P2RX4: variants seen among roughly 807,000 people sequenced by gnomAD.
The protein encoded by P2RX4 is P2X purinoceptor 4.
P2RX4 carries 37 observed loss-of-function variants against 48.0 expected under a neutral mutation model. That is an observed-to-expected ratio of 0.77 (90% CI 0.59 to 1.01). The LOEUF (loss-of-function observed/expected upper bound fraction) is 1.01, where lower values mean the gene tolerates loss of function less well. P2RX4 is among the 50% of genes least tolerant of loss of function. The pLI, the probability that P2RX4 is intolerant of heterozygous loss-of-function variation, is 0.00. For missense variants in P2RX4, 501 were observed against 521.4 expected, an observed-to-expected ratio of 0.96 and a Z score of 0.38; for synonymous variants, 200 against 199.7, an observed-to-expected ratio of 1.00 and a Z score of -0.01.
chr12:121,220,422 G>A (rs1242349551), intron 2 of P2RX4, among the ~76,000 whole-genome samples: 1 of 152,044 alleles, frequency 6.6e-6, no homozygotes. Context: ...GATCACTTGA[G>A]GCCAGGAGTT....
chr12:121,233,349 A>G, intron 11 of P2RX4, 174 bp from the exon 12 acceptor site: 1 of 681,066 alleles, frequency 1.5e-6, no homozygotes, highest in Non-Finnish European at 2.6e-6. Flanking sequence ...ATGCTCTGAG[A>G]ATGCCTGTGG....
chr12:121,225,833 T>C (rs747536085), intron 5 of P2RX4, among the ~76,000 whole-genome samples: 45 of 152,344 alleles, frequency 3.0e-4, no homozygotes, highest in Non-Finnish European at 6.0e-4. Flanking sequence ...TACTTTGTAG[T>C]GTGGCTATTA....
intron 5 of P2RX4, among the ~76,000 whole-genome samples, chr12:121,224,433 G>C (rs1388454355): frequency 6.6e-6 from 1 of 151,758 alleles, no homozygotes; most frequent in Non-Finnish European, 1.5e-5. Context: ...GAGAAACCCC[G>C]TCTCCACTAA....
At chr12:121,212,230 A>G (rs1191213628) in intron 1 of P2RX4, among the ~76,000 whole-genome samples, 1 of 152,128 alleles carries the variant, frequency 6.6e-6, no homozygotes, top group Non-Finnish European at 1.5e-5. Context: ...GTAGATACAG[A>G]CAGTATTCAA....
intron 1 of P2RX4, among the ~76,000 whole-genome samples, chr12:121,211,008 GGTA>G (rs545682097): frequency 9.9e-5 from 15 of 152,220 alleles, no homozygotes; most frequent in African/African-American, 3.4e-4. Flanking sequence ...GTCACTATGT[GGTA>G]GTAGCGAGGT....
chr12:121,216,615 G>T, intron 1 of P2RX4: 1 of 284,050 alleles, frequency 3.5e-6, no homozygotes, highest in Non-Finnish European at 6.9e-6. Flanking sequence ...GAGGTCAGGA[G>T]TTCGAGACCA....
Position 121,232,589 on chromosome 12 carries a change from T to C in P2RX4, c.979-22T>C. 1 of 1,613,426 alleles carries C rather than the reference T, an allele frequency of 6.2e-7. No individual in the cohort carries two copies. The highest frequency in any genetic ancestry group is 1.1e-5 in the South Asian group (1 of 91,076). On this transcript the variant is annotated intron_variant, in intron 9 of 11. Transcript: ENST00000337233. This position sits in a 1 kb window ranked among gnomAD's most constrained non-coding sequence, Gnocchi z 4.3. The stretch of plus-strand genomic sequence containing the variant: ...CCCTGCCCCTGCAGAAACACTTTTT[T>C]TCTTTTTCGGTGTCTTGGCAGGCAG...
At chr12:121,217,389 C>T (rs1179979221) in intron 2 of P2RX4, 108 bp downstream of exon 2, 9 of 1,100,232 alleles carry the variant, frequency 8.2e-6, no homozygotes, top group African/African-American at 1.5e-5. Context: ...TCACCAATGC[C>T]CAGAATGATT....
rs960984912 is a variant in P2RX4, at chr12:121,210,318, G to C, written c.134+20G>C. 2.7e-6 allele frequency: 4 copies of C among 1,500,554 alleles called. No homozygotes were observed. The highest frequency in any genetic ancestry group is 1.3e-5 in the South Asian group (1 of 78,754). The allele number at this position is 1,500,554 out of a possible 1,614,324, so 93.0% of individuals were successfully genotyped here. The stretch of plus-strand genomic sequence containing the variant: ...CATCGGGTGAGCGTGGGGCCGCGCG[G>C]GGGGCGCGGCGGGTGCTGCCCTCGC... On this transcript the variant is annotated intron_variant, in intron 1 of 11. Transcript: ENST00000337233.
At chr12:121,216,947 T>C (rs1565999869) in intron 1 of P2RX4, 187 bp from the exon 2 acceptor site, 2 of 715,274 alleles carry the variant, frequency 2.8e-6, no homozygotes, top group South Asian at 2.9e-5. Flanking sequence ...AACCCTCCTG[T>C]GGTTTAGGTG....
rs1004305511 is a variant in P2RX4 at position 121,222,286 on chromosome 12, G to A, written c.427+120G>A. 1.6e-4 allele frequency: 119 copies of A among 742,302 alleles called. 1 individual carries two copies. In the African/African-American group the frequency reaches 1.6e-3, roughly 10 times the overall value. The allele number at this position is 742,302 out of a possible 1,614,324, so 46.0% of individuals were successfully genotyped here. A position where few individuals can be genotyped will look rare whatever the true frequency, so the allele number is the denominator to read the frequency against. ...CATGACCCTGGGTGAGCCAGGTGCCGAGGCTGGGGTCCTGGAGCCCCTCTA... is the reference window on the plus strand; with the variant it reads ...CATGACCCTGGGTGAGCCAGGTGCCAAGGCTGGGGTCCTGGAGCCCCTCTA... On this transcript the variant is annotated intron_variant, in intron 4 of 11. Coordinates refer to ENST00000337233, the MANE Select transcript of P2RX4 (RefSeq NM_002560.3).
rs960984912 is a variant in P2RX4 at position 121,210,318 on chromosome 12, G to A, written c.134+20G>A. On this transcript the variant is annotated intron_variant, in intron 1 of 11. Transcript: ENST00000337233. ...CATCGGGTGAGCGTGGGGCCGCGCG[G>A]GGGGCGCGGCGGGTGCTGCCCTCGC... is the stretch of plus-strand genomic sequence containing the variant. The A allele has an allele frequency of 3.3e-6, 5 of 1,500,554 alleles. No individual in the cohort carries two copies. The highest frequency in any genetic ancestry group is 2.9e-5 in the African/African-American group (2 of 69,008). 93.0% of individuals were successfully genotyped at this position (1,500,554 alleles called of 1,614,324 possible). A position where few individuals can be genotyped will look rare whatever the true frequency, so the allele number is the denominator to read the frequency against.
chr12:121,222,744 G>T (rs139776032), intron 4 of P2RX4: 2 of 1,511,024 alleles, frequency 1.3e-6, no homozygotes, highest in Admixed American at 4.0e-5. Flanking sequence ...GCATCACCCT[G>T]GCTGAGATGT....
At chr12:121,230,783 G>A (rs542478880) in intron 8 of P2RX4, among the ~76,000 whole-genome samples, 139 of 152,232 alleles carry the variant, frequency 9.1e-4, no homozygotes, top group Non-Finnish European at 1.6e-3. Flanking sequence ...GCTAGGGTGC[G>A]GGCCGAGGCT....
rs2066828277 is a variant in P2RX4, at chr12:121,221,987, A to G, written c.354+3A>G. 6.2e-7 allele frequency: 1 copy of G among 1,613,714 alleles called. No homozygotes were observed. The highest frequency in any genetic ancestry group is 8.5e-7 in the Non-Finnish European group (1 of 1,179,548). ...AGACACAGGGCCTGTGCCCCGAGGT[A>G]GGAGGCCCCCGGGAAGAGCCCCAGG... On this transcript the variant is annotated splice_donor_region_variant and intron_variant, in intron 3 of 11. Coordinates refer to ENST00000337233, the MANE Select transcript of P2RX4 (RefSeq NM_002560.3).
At position 121,217,248 on chromosome 12, in the gene P2RX4, C is replaced by A; in HGVS notation, c.249C>A (p.Ile83=). 6.2e-7 allele frequency: 1 copy of A among 1,614,194 alleles called. No individual in the cohort carries two copies. Among genetic ancestry groups the A allele is most frequent in the Non-Finnish European group, 8.5e-7 (1 of 1,180,028 alleles). ...ACACTTCTAAACTTGGATTCCGGAT[C>A]TGGGATGTGGCGGATTATGTGATAC... is the stretch of plus-strand genomic sequence containing the variant. ...VTNTSKLGFR[I]WDVADYVIPA... Residue 83 remains isoleucine, a synonymous_variant, in exon 2 of 12, where the codon ATC becomes ATA. Transcript: ENST00000337233.
At chr12:121,233,209 G>T in intron 11 of P2RX4, 117 bp downstream of exon 11, 1 of 739,900 alleles carries the variant, frequency 1.4e-6, no homozygotes, top group Admixed American at 2.4e-5. Context: ...GTGTGGCGTG[G>T]TGTCCCCGTT....
At chr12:121,211,617 T>G (rs1885856495) in intron 1 of P2RX4, among the ~76,000 whole-genome samples, 1 of 152,228 alleles carries the variant, frequency 6.6e-6, no homozygotes, top group Admixed American at 6.5e-5. Context: ...TATTGCCTAG[T>G]GCAGTGGTCT....
At chr12:121,221,815 G>T in intron 2 of P2RX4, 98 bp from the exon 3 acceptor site, 1 of 950,744 alleles carries the variant, frequency 1.1e-6, no homozygotes, top group Non-Finnish European at 1.7e-6. Context: ...AGAGCACGCG[G>T]TCAGTGTTTG....
Sources: allele counts gnomAD v4.1 joint callset (sites outside exome capture counted in the v4.1 genomes callset), GRCh38; gene constraint gnomAD v4.1.1; non-coding constraint Gnocchi (gnomAD v3.1); transcripts MANE v1.5; gene names NCBI Gene and HGNC (gene_info 2026-07-23, HGNC 2026-07-21).